Variants in PRKN observed in about 807,000 individuals in gnomAD.
PRKN encodes the protein E3 ubiquitin-protein ligase parkin.
PRKN carries 56 observed loss-of-function variants against 59.5 expected under a neutral mutation model. The observed-to-expected ratio is 0.94, with a 90% confidence interval of 0.76 to 1.18. The LOEUF is 1.18. Ranked by LOEUF, PRKN falls within the 50% of genes most tolerant of loss-of-function variation. The pLI is 0.00. For missense variants in PRKN, 657 were observed against 596.4 expected, an observed-to-expected ratio of 1.10 and a Z score of -1.06; for synonymous variants, 250 against 222.1, an observed-to-expected ratio of 1.13 and a Z score of -1.12.
At chr6:161,671,022 C>T (rs750795938) in intron 7 of PRKN, among the ~76,000 whole-genome samples, 39 of 152,036 alleles carry the variant, frequency 2.6e-4, no homozygotes, top group Non-Finnish European at 4.0e-4. Context: ...AGTGTTTTTT[C>T]GTGTGTTTTC....
intron 1 of PRKN, among the ~76,000 whole-genome samples, chr6:162,506,290 T>C (rs1018552803): frequency 3.6e-5 from 4 of 110,714 alleles, no homozygotes; most frequent in African/African-American, 1.4e-4. Flanking sequence ...CCTTTAGAGG[T>C]AGGAAGAAAA....
intron 7 of PRKN, among the ~76,000 whole-genome samples, chr6:161,714,411 C>A (rs929466533): frequency 2.0e-5 from 3 of 152,192 alleles, no homozygotes; most frequent in African/African-American, 7.2e-5. Context: ...CCGCATTAGG[C>A]TCTCTTGCCT....
chr6:161,842,818 G>A (rs1401005674), intron 6 of PRKN, among the ~76,000 whole-genome samples: 2 of 152,084 alleles, frequency 1.3e-5, no homozygotes, highest in Non-Finnish European at 2.9e-5. Context: ...AAAGTGCTGG[G>A]ATTACAGGCG....
rs1250000883 is a variant in PRKN, at chr6:161,371,024, C to T, written c.1168-10819G>A. Reference sequence around the variant, plus strand: ...CTCCTGCTGGTGAGTAAGAAAATGGCATCACTTTTCAGGGGCCTTGAGCTA... The same window carrying T: ...CTCCTGCTGGTGAGTAAGAAAATGGTATCACTTTTCAGGGGCCTTGAGCTA... On this transcript the variant is annotated intron_variant, in intron 10 of 11. Coordinates refer to ENST00000366898, the MANE Select transcript of PRKN (RefSeq NM_004562.3). The surrounding 1 kb of genome is among the most constrained non-coding windows in gnomAD (Gnocchi z 5.5). Among the ~76,000 whole-genome samples the T allele has an allele frequency of 6.6e-6, 1 of 152,030 alleles. No homozygotes were observed. Among genetic ancestry groups the T allele is most frequent in the Non-Finnish European group, 1.5e-5 (1 of 68,006 alleles).
At chr6:161,567,022 GT>G (rs71917520) in intron 8 of PRKN, among the ~76,000 whole-genome samples, 74 of 87,092 alleles carry the variant, frequency 8.5e-4, no homozygotes, top group South Asian at 1.1e-3. Flanking sequence ...CACTGTCCTT[GT>G]TTTTTTTTTT....
At chr6:162,230,255 G>C (rs768411384) in intron 3 of PRKN, among the ~76,000 whole-genome samples, 1 of 152,218 alleles carries the variant, frequency 6.6e-6, no homozygotes, top group Non-Finnish European at 1.5e-5. Flanking sequence ...CAAATTAACT[G>C]TAAGTGTGTC....
intron 1 of PRKN, among the ~76,000 whole-genome samples, chr6:162,654,567 G>C (rs934756673): frequency 6.6e-6 from 1 of 152,098 alleles, no homozygotes; most frequent in Non-Finnish European, 1.5e-5. Context: ...TTATCCAATA[G>C]CATCTTCTAA....
intron 2 of PRKN, among the ~76,000 whole-genome samples, chr6:162,293,187 AC>A (rs1356879788): frequency 6.6e-6 from 1 of 152,134 alleles, no homozygotes; most frequent in African/African-American, 2.4e-5. Context: ...GGCCAATAAG[AC>A]AGAAGCCAAC....
At chr6:162,007,997 G>C (rs1476000885) in intron 5 of PRKN, among the ~76,000 whole-genome samples, 1 of 152,122 alleles carries the variant, frequency 6.6e-6, no homozygotes, top group Non-Finnish European at 1.5e-5. Context: ...GCATTTATAA[G>C]ATACCACACA....
intron 3 of PRKN, among the ~76,000 whole-genome samples, chr6:162,227,582 G>A (rs980838330): frequency 6.6e-6 from 1 of 152,086 alleles, no homozygotes; most frequent in Admixed American, 6.5e-5. Context: ...TGAAATTATG[G>A]TGTTGATTTT....
intron 6 of PRKN, among the ~76,000 whole-genome samples, chr6:161,913,702 C>G (rs920638164): frequency 2.0e-5 from 3 of 152,174 alleles, no homozygotes; most frequent in African/African-American, 7.2e-5. Context: ...CTCAAGGATA[C>G]AGCGATACAT....
Position 161,353,304 on chromosome 6 carries a change from C to T in PRKN, c.1286-3093G>A, listed in dbSNP as rs1292296604. 2.0e-5 allele frequency among the ~76,000 whole-genome samples: 3 copies of T among 152,184 alleles called. No individual in the cohort carries two copies. Among genetic ancestry groups the T allele is most frequent in the African/African-American group, 7.2e-5 (3 of 41,444 alleles). ...ATAAGACCCGGATTTCAGAAAGAGT[C>T]CTGTCCATCCCCTGGAGGAAGGAAT... On this transcript the variant is annotated intron_variant, in intron 11 of 11. Coordinates refer to ENST00000366898, the MANE Select transcript of PRKN (RefSeq NM_004562.3). This position sits in a 1 kb window ranked among gnomAD's most constrained non-coding sequence, Gnocchi z 4.8.
chr6:162,028,087 A>G (rs1345852014), intron 5 of PRKN, among the ~76,000 whole-genome samples: 1 of 152,204 alleles, frequency 6.6e-6, no homozygotes, highest in South Asian at 2.1e-4. Context: ...CTGTCATGTC[A>G]TTAGGCTTTC....
Position 161,777,553 on chromosome 6 carries a change from A to T in PRKN, c.871+8219T>A, listed in dbSNP as rs1789976917. Among the ~76,000 whole-genome samples, 5 of 151,316 alleles carry T rather than the reference A, an allele frequency of 3.3e-5. No individual in the cohort carries two copies. In the South Asian group the frequency reaches 1.0e-3, roughly 31 times the overall value. Reference sequence around the variant, plus strand: ...TGATAGCAAGAGGTATTAGATATTTATCTAGAAATGAATATATACAGACAC... The same window carrying T: ...TGATAGCAAGAGGTATTAGATATTTTTCTAGAAATGAATATATACAGACAC... On this transcript the variant is annotated intron_variant, in intron 7 of 11. Transcript: ENST00000366898.
At chr6:162,463,232 G>T (rs908593292) in intron 1 of PRKN, among the ~76,000 whole-genome samples, 1 of 152,024 alleles carries the variant, frequency 6.6e-6, no homozygotes, top group African/African-American at 2.4e-5. Flanking sequence ...CTAACCTATT[G>T]CAAATGATTA....
At chr6:162,298,133 G>A (rs1781764883) in intron 2 of PRKN, among the ~76,000 whole-genome samples, 1 of 152,006 alleles carries the variant, frequency 6.6e-6, no homozygotes, top group African/African-American at 2.4e-5. Flanking sequence ...GTTTTGACAA[G>A]GGGAGGTACC....
At chr6:161,927,119 CATGGGAGTTGTTTTCTA>C (rs1459207300) in intron 6 of PRKN, among the ~76,000 whole-genome samples, 1 of 152,110 alleles carries the variant, frequency 6.6e-6, no homozygotes, top group Non-Finnish European at 1.5e-5. Context: ...TACACATACA[CATGGGAGTTGTTTTCTA>C]GTTTGCCAAT....
intron 8 of PRKN, among the ~76,000 whole-genome samples, chr6:161,565,882 C>A (rs747739895): frequency 3.9e-4 from 60 of 152,156 alleles, no homozygotes; most frequent in Non-Finnish European, 6.9e-4. Flanking sequence ...AATGCTCATA[C>A]GTCTGTGCCT....
At chr6:162,109,649 G>C (rs943580293) in intron 4 of PRKN, among the ~76,000 whole-genome samples, 1 of 152,212 alleles carries the variant, frequency 6.6e-6, no homozygotes, top group Non-Finnish European at 1.5e-5. Context: ...AGGAGTTACA[G>C]TGTGCACTCC....
Sources: gnomAD v4.1 joint callset for allele counts (sites outside exome capture counted in the v4.1 genomes callset) on GRCh38, gnomAD v4.1.1 for gene constraint, Gnocchi (gnomAD v3.1) non-coding constraint, MANE v1.5 for transcripts, NCBI Gene and HGNC (gene_info 2026-07-23, HGNC 2026-07-21) for gene names.